Variants in BBX observed in about 807,000 individuals in gnomAD.
The protein encoded by BBX is HMG box transcription factor BBX.
In BBX, 30 loss-of-function variants were observed where a neutral mutation model predicts 100.2. That is an observed-to-expected ratio of 0.30 (90% CI 0.22 to 0.41). The LOEUF is 0.41. Ranked by LOEUF, BBX falls within the 10% of genes least tolerant of loss-of-function variation. The pLI is 1.00. For missense variants in BBX, 1,023 were observed against 1,129.8 expected (o/e 0.91, Z 1.35); for synonymous variants, 376 against 388.1 (o/e 0.97, Z 0.37).
rs564446859 is a variant in BBX at position 107,810,842 on chromosome 3, A to G, written c.*5385A>G. 1 of 152,286 alleles carries G rather than the reference A, an allele frequency of 6.6e-6. No individual in the cohort carries two copies. The highest frequency in any genetic ancestry group is 2.1e-4 in the South Asian group (1 of 4,820). The allele number at this position is 152,286 out of a possible 1,614,324, so 9.4% of individuals were successfully genotyped here. A position where few individuals can be genotyped will look rare whatever the true frequency, so the allele number is the denominator to read the frequency against. ...TGAATTGCTTACTCACATGTCATAA[A>G]TTAACCACAGCTTCATTTGACCACC... On this transcript the variant is annotated 3_prime_UTR_variant, in exon 18 of 18. Coordinates refer to ENST00000325805, the MANE Select transcript of BBX (RefSeq NM_001142568.3).
intron 15 of BBX, among the ~76,000 whole-genome samples, chr3:107,792,002 A>G (rs2069111999): frequency 6.6e-6 from 1 of 152,146 alleles, no homozygotes; most frequent in South Asian, 2.1e-4. Context: ...AAAGAATAGA[A>G]CACCCTGAGG....
chr3:107,639,691 T>C (rs1232419719), intron 2 of BBX, among the ~76,000 whole-genome samples: 1 of 152,164 alleles, frequency 6.6e-6, no homozygotes, highest in Non-Finnish European at 1.5e-5. Context: ...ACTGTAGACA[T>C]TCATGGTTCC....
chr3:107,806,544 T>G lies in BBX; in HGVS notation c.*1087T>G, dbSNP rs746234088. The G allele has an allele frequency of 1.3e-5, 2 of 152,184 alleles. No homozygotes were observed. The highest frequency in any genetic ancestry group is 2.4e-5 in the African/African-American group (1 of 41,434). The allele number at this position is 152,184 out of a possible 1,614,324, so 9.4% of individuals were successfully genotyped here. A position where few individuals can be genotyped will look rare whatever the true frequency, so the allele number is the denominator to read the frequency against. ...AGAGCCATTTTGAGTTTGTGTTGTT[T>G]AGGAGGTACTGAGTCAATGATGAGG... On this transcript the variant is annotated 3_prime_UTR_variant, in exon 18 of 18. Transcript: ENST00000325805.
intron 3 of BBX, among the ~76,000 whole-genome samples, chr3:107,691,348 A>T (rs1300748480): frequency 3.3e-5 from 5 of 152,216 alleles, no homozygotes; most frequent in Non-Finnish European, 7.3e-5. Flanking sequence ...ACTGGATAAA[A>T]ATAAGGTTTT....
chr3:107,557,088 A>G (rs2050142862), intron 2 of BBX, among the ~76,000 whole-genome samples: 1 of 152,242 alleles, frequency 6.6e-6, no homozygotes, highest in African/African-American at 2.4e-5. Flanking sequence ...ATACAGTTTG[A>G]GTATTAACAA....
At chr3:107,740,378 C>T (rs80351484) in intron 7 of BBX, among the ~76,000 whole-genome samples, 189 of 151,664 alleles carry the variant, frequency 1.2e-3, no homozygotes, top group Middle Eastern at 6.8e-3. Context: ...TCAGCTCTGA[C>T]ATCTTTCCAG....
intron 3 of BBX, among the ~76,000 whole-genome samples, chr3:107,676,695 G>T (rs2059298933): frequency 6.6e-6 from 1 of 152,102 alleles, no homozygotes; most frequent in African/African-American, 2.4e-5. Flanking sequence ...ATTCTTTGTG[G>T]TAGTGGCAGA....
At chr3:107,530,251 G>A (rs1304397276) in intron 2 of BBX, among the ~76,000 whole-genome samples, 1 of 152,186 alleles carries the variant, frequency 6.6e-6, no homozygotes, top group East Asian at 1.9e-4. Context: ...AATTAGTCAG[G>A]TGTATTGGTG....
At chr3:107,692,330 T>G (rs2060234576) in intron 3 of BBX, among the ~76,000 whole-genome samples, 1 of 152,080 alleles carries the variant, frequency 6.6e-6, no homozygotes, top group South Asian at 2.1e-4. Context: ...TACCTCTCAA[T>G]GCTATCCCTC....
intron 10 of BBX, among the ~76,000 whole-genome samples, chr3:107,763,071 C>T (rs951828381): frequency 1.3e-5 from 2 of 152,130 alleles, no homozygotes; most frequent in Non-Finnish European, 2.9e-5. Context: ...AGACTTGGGT[C>T]CTATCCCTAA....
At chr3:107,606,433 T>C (rs1455490092) in intron 2 of BBX, among the ~76,000 whole-genome samples, 2 of 152,212 alleles carry the variant, frequency 1.3e-5, no homozygotes, top group African/African-American at 4.8e-5. Context: ...TACAGGTTGA[T>C]TGTGTTCCTT....
intron 3 of BBX, among the ~76,000 whole-genome samples, chr3:107,688,065 A>G (rs559230863): frequency 6.6e-6 from 1 of 152,318 alleles, no homozygotes; most frequent in Non-Finnish European, 1.5e-5. Flanking sequence ...AAAAAAAAGA[A>G]GAAAAATACA....
chr3:107,527,430 A>G (rs529756156), intron 2 of BBX, among the ~76,000 whole-genome samples: 14 of 152,354 alleles, frequency 9.2e-5, no homozygotes, highest in African/African-American at 3.1e-4. Context: ...TGCTGACATA[A>G]TGTGTACATT....
chr3:107,556,636 C>T (rs2050117772), intron 2 of BBX, among the ~76,000 whole-genome samples: 1 of 152,104 alleles, frequency 6.6e-6, no homozygotes, highest in Admixed American at 6.6e-5. Context: ...CACAGACTAC[C>T]TTAAGTAGTA....
At chr3:107,750,515 G>T (rs575358941) in intron 9 of BBX, among the ~76,000 whole-genome samples, 1 of 152,150 alleles carries the variant, frequency 6.6e-6, no homozygotes, top group African/African-American at 2.4e-5. Flanking sequence ...TTAAATTATT[G>T]TATCTTTGGT....
chr3:107,625,314 G>C (rs541803273), intron 2 of BBX, among the ~76,000 whole-genome samples: 1 of 151,984 alleles, frequency 6.6e-6, no homozygotes. Flanking sequence ...GTCTCACTCT[G>C]TCTCCCAGTC....
chr3:107,656,918 A>G (rs2058177349), intron 3 of BBX: 3 of 152,264 alleles, frequency 2.0e-5, no homozygotes, highest in Admixed American at 1.3e-4. Flanking sequence ...AGGAAATAAC[A>G]GAAGTATGGA....
At chr3:107,699,049 G>C (rs571006475) in intron 3 of BBX, among the ~76,000 whole-genome samples, 1 of 151,730 alleles carries the variant, frequency 6.6e-6, no homozygotes, top group Non-Finnish European at 1.5e-5. Context: ...CCTGCAGTGC[G>C]CCCGGCTCTG....
intron 2 of BBX, among the ~76,000 whole-genome samples, chr3:107,570,820 C>G (rs968073197): frequency 2.0e-5 from 3 of 151,894 alleles, no homozygotes; most frequent in African/African-American, 7.3e-5. Flanking sequence ...AAGGAACAGA[C>G]AGGAGAGAAA....
Sources: allele counts gnomAD v4.1 joint callset (sites outside exome capture counted in the v4.1 genomes callset), GRCh38; gene constraint gnomAD v4.1.1; transcripts MANE v1.5; gene names NCBI Gene and HGNC (gene_info 2026-07-23, HGNC 2026-07-21).